KCNIP4: variants seen among roughly 807,000 people sequenced by gnomAD.
The protein encoded by KCNIP4 is potassium voltage-gated channel interacting protein 4.
A neutral mutation model predicts 34.0 loss-of-function variants in KCNIP4; 12 were observed. The observed-to-expected ratio is 0.35, with a 90% CI of 0.23 to 0.57. KCNIP4 has a LOEUF of 0.57. KCNIP4 is among the 20% of genes least tolerant of loss of function. KCNIP4 has a pLI of 0.83. For synonymous variants in KCNIP4, 124 were observed against 102.2 expected (o/e 1.21, Z -1.29); for missense variants, 238 against 311.7 (o/e 0.76, Z 1.78).
At chr4:20,992,379 T>C (rs1462308911) in intron 1 of KCNIP4, among the ~76,000 whole-genome samples, 1 of 152,150 alleles carries the variant, frequency 6.6e-6, no homozygotes, top group East Asian at 1.9e-4. Context: ...GGGAAACCAC[T>C]TCTATGATCC....
intron 1 of KCNIP4, among the ~76,000 whole-genome samples, chr4:21,196,620 T>G (rs1756074610): frequency 6.6e-6 from 1 of 152,228 alleles, no homozygotes; most frequent in African/African-American, 2.4e-5. Flanking sequence ...CTTGGTTTGC[T>G]GTTCTGATAT....
chr4:21,457,398 G>C (rs998992468), intron 1 of KCNIP4, among the ~76,000 whole-genome samples: 15 of 151,838 alleles, frequency 9.9e-5, no homozygotes, highest in Non-Finnish European at 1.8e-4. Flanking sequence ...AAATGAGGTG[G>C]AAAATCAAAT....
chr4:21,584,559 A>G (rs1488236685), intron 1 of KCNIP4, among the ~76,000 whole-genome samples: 1 of 152,094 alleles, frequency 6.6e-6, no homozygotes, highest in Non-Finnish European at 1.5e-5. Context: ...AATTTAAAAT[A>G]GGAAATTAAT....
intron 1 of KCNIP4, among the ~76,000 whole-genome samples, chr4:21,089,694 G>A (rs755203504): frequency 6.6e-6 from 1 of 152,120 alleles, no homozygotes; most frequent in Admixed American, 6.5e-5. Context: ...TCTACTGGGT[G>A]GTCCCTCCTT....
intron 1 of KCNIP4, among the ~76,000 whole-genome samples, chr4:20,932,939 T>C (rs1002933867): frequency 8.5e-5 from 13 of 152,154 alleles, no homozygotes; most frequent in African/African-American, 3.1e-4. Flanking sequence ...ATTGGAACTA[T>C]TGTTTATAAA....
chr4:21,050,671 T>C (rs1264031026), intron 1 of KCNIP4, among the ~76,000 whole-genome samples: 1 of 152,180 alleles, frequency 6.6e-6, no homozygotes, highest in East Asian at 1.9e-4. Flanking sequence ...ACCAGCTAAG[T>C]AAACACTGAT....
chr4:20,768,043 C>T (rs1755564705), intron 3 of KCNIP4, among the ~76,000 whole-genome samples: 1 of 152,090 alleles, frequency 6.6e-6, no homozygotes, highest in African/African-American at 2.4e-5. Flanking sequence ...TCTATAATTG[C>T]AGGAGAATTT....
At chr4:21,012,704 T>C (rs951263954) in intron 1 of KCNIP4, among the ~76,000 whole-genome samples, 25 of 152,228 alleles carry the variant, frequency 1.6e-4, no homozygotes, top group Non-Finnish European at 3.2e-4. Flanking sequence ...ACCAGATTAG[T>C]GTCACAAAGA....
intron 1 of KCNIP4, among the ~76,000 whole-genome samples, chr4:20,887,600 A>T (rs1292571654): frequency 1.3e-5 from 2 of 152,082 alleles, no homozygotes; most frequent in Non-Finnish European, 2.9e-5. Context: ...GAATCCTTAA[A>T]GTTCTCAGGG....
chr4:21,947,423 G>A (rs1297281946), intron 1 of KCNIP4, among the ~76,000 whole-genome samples: 4 of 152,210 alleles, frequency 2.6e-5, no homozygotes. Context: ...AAAGGATTAA[G>A]ACTGTTCTCT....
chr4:21,255,871 T>C (rs1560221306), intron 1 of KCNIP4, among the ~76,000 whole-genome samples: 3 of 152,190 alleles, frequency 2.0e-5, no homozygotes, highest in Non-Finnish European at 2.9e-5. Flanking sequence ...GCTTTATTCA[T>C]TCATTTATTA....
intron 1 of KCNIP4, among the ~76,000 whole-genome samples, chr4:21,339,470 C>A (rs1428956527): frequency 6.6e-6 from 1 of 152,140 alleles, no homozygotes; most frequent in African/African-American, 2.4e-5. Context: ...AGTAGCATGA[C>A]AAGGTTACAA....
intron 1 of KCNIP4, among the ~76,000 whole-genome samples, chr4:20,987,225 AT>A (rs972184077): frequency 3.3e-5 from 5 of 152,124 alleles, no homozygotes; most frequent in African/African-American, 1.2e-4. Flanking sequence ...CTCTACCTCT[AT>A]TTTTAATGTT....
At chr4:21,446,101 G>C (rs1356256296) in intron 1 of KCNIP4, among the ~76,000 whole-genome samples, 9 of 152,066 alleles carry the variant, frequency 5.9e-5, no homozygotes, top group Non-Finnish European at 1.2e-4. Flanking sequence ...TTAGAATGGC[G>C]ATCATTAAAA....
At chr4:20,811,014 T>G (rs1205787447) in intron 3 of KCNIP4, among the ~76,000 whole-genome samples, 1 of 152,136 alleles carries the variant, frequency 6.6e-6, no homozygotes, top group Non-Finnish European at 1.5e-5. Context: ...TAGCAAGTGT[T>G]CACTTGTGGC....
At chr4:21,438,465 GA>G in intron 1 of KCNIP4, among the ~76,000 whole-genome samples, 1 of 152,134 alleles carries the variant, frequency 6.6e-6, no homozygotes, top group Non-Finnish European at 1.5e-5. Context: ...TTTCCTGTGG[GA>G]ATATATGATT....
intron 1 of KCNIP4, among the ~76,000 whole-genome samples, chr4:20,912,176 C>T (rs147895512): frequency 9.5e-4 from 145 of 152,242 alleles, no homozygotes; most frequent in African/African-American, 3.2e-3. Context: ...GCTTATCCTT[C>T]AGGTTAAGTT....
chr4:20,772,802 C>G (rs936082032), intron 3 of KCNIP4, among the ~76,000 whole-genome samples: 4 of 151,952 alleles, frequency 2.6e-5, no homozygotes, highest in African/African-American at 9.7e-5. Context: ...CCACGACGCC[C>G]GGCTAATTTT....
intron 1 of KCNIP4, among the ~76,000 whole-genome samples, chr4:21,085,318 C>T (rs1034382338): frequency 3.3e-5 from 5 of 152,040 alleles, no homozygotes; most frequent in African/African-American, 7.3e-5. Flanking sequence ...ATTGGCACCC[C>T]GATCTCACAC....
Sources: allele counts gnomAD v4.1 joint callset (sites outside exome capture counted in the v4.1 genomes callset), GRCh38; gene constraint gnomAD v4.1.1; transcripts MANE v1.5; gene names NCBI Gene and HGNC (gene_info 2026-07-23, HGNC 2026-07-21).